The following GBE1 variants were observed in gnomAD, a reference collection of about 807,000 sequenced individuals.
The protein encoded by GBE1 is 1,4-alpha-glucan branching enzyme 1.
Under a neutral mutation model 88.8 loss-of-function variants are expected in GBE1, and 70 were observed. The ratio of observed to expected loss-of-function variants is 0.79; its 90% CI spans 0.65 to 0.96. The LOEUF (loss-of-function observed/expected upper bound fraction) is 0.96, where lower values mean the gene tolerates loss of function less well. Among genes scored for constraint, GBE1 ranks in the 40% least tolerant of loss-of-function variants. The probability of loss-of-function intolerance (pLI) is 0.00; values close to 1 mark genes in which losing one functional copy is unlikely to be tolerated. For missense variants in GBE1, 872 were observed against 871.0 expected, an observed-to-expected ratio of 1.00 and a Z score of -0.01; for synonymous variants, 284 against 300.1, an observed-to-expected ratio of 0.95 and a Z score of 0.56.
At chr3:81,640,963 T>A (rs900524893) in intron 7 of GBE1, among the ~76,000 whole-genome samples, 9 of 152,130 alleles carry the variant, frequency 5.9e-5, no homozygotes, top group Non-Finnish European at 8.8e-5. Context: ...CAATGTTAAG[T>A]TTGTCTCAAT....
intron 7 of GBE1, chr3:81,612,874 G>A: frequency 2.5e-6 from 1 of 401,988 alleles, no homozygotes; most frequent in Non-Finnish European, 4.8e-6. Context: ...GACAATATTT[G>A]GCCAAAACCA....
rs886058901 is a variant in GBE1 at position 81,648,900 on chromosome 3, T to A, written c.647A>T (p.Tyr216Phe). 3.1e-6 allele frequency: 5 copies of A among 1,588,322 alleles called. No homozygotes were observed. Among genetic ancestry groups the A allele is most frequent in the Non-Finnish European group, 4.3e-6 (5 of 1,163,752 alleles). The change falls in exon 5 of 16, where the codon TAT becomes TTT. Residue 216 changes from tyrosine to phenylalanine, a missense_variant. By Grantham distance (22) the Tyr-to-Phe change is conservative (BLOSUM62 3). Coordinates refer to ENST00000429644, the MANE Select transcript of GBE1 (RefSeq NM_000158.4). ...TAGTACATTGCATGTAAAATGTTTATAAGAAGCTACTTTTCCTTCATGGGA... is the reference window on the plus strand; with the variant it reads ...TAGTACATTGCATGTAAAATGTTTAAAAGAAGCTACTTTTCCTTCATGGGA... ...ISSHEGKVASYKHFTCNVLPR... is the reference protein window; with the variant it reads ...ISSHEGKVASFKHFTCNVLPR...
chr3:81,635,735 A>G (rs1444791999), intron 7 of GBE1, among the ~76,000 whole-genome samples: 4 of 152,208 alleles, frequency 2.6e-5, no homozygotes, highest in African/African-American at 9.6e-5. Context: ...TAAATGGATA[A>G]TCACTTGAAT....
chr3:81,660,360 A>AT (rs1705007342), intron 3 of GBE1, among the ~76,000 whole-genome samples: 1 of 152,206 alleles, frequency 6.6e-6, no homozygotes, highest in Admixed American at 6.5e-5. Context: ...ATATCTAAAT[A>AT]TTTAAACATA....
chr3:81,537,019 C>A lies in GBE1; in HGVS notation c.1695G>T (p.Arg565=). 6.3e-7 allele frequency: 1 copy of A among 1,587,854 alleles called. No individual in the cohort carries two copies. The highest frequency in any genetic ancestry group is 8.6e-7 in the Non-Finnish European group (1 of 1,168,394). ...GNNESYHYAR[R]QFHLTDDDLL... is the part of the protein sequence containing the mutation. ...GGTCGTCGTCAGTTAAATGAAACTG[C>A]CGCCTGGCATAATGGTAACTCTCAT... The change falls in exon 13 of 16, where the codon CGG becomes CGT. Residue 565 remains arginine (R), a synonymous_variant. Coordinates refer to ENST00000429644, the MANE Select transcript of GBE1 (RefSeq NM_000158.4).
chr3:81,622,544 A>C (rs1704347465), intron 7 of GBE1, among the ~76,000 whole-genome samples: 1 of 152,066 alleles, frequency 6.6e-6, no homozygotes, highest in Non-Finnish European at 1.5e-5. Flanking sequence ...ATGATTTCTG[A>C]CTCAAATTGC....
intron 2 of GBE1, among the ~76,000 whole-genome samples, chr3:81,696,792 A>G (rs772743507): frequency 1.3e-5 from 2 of 152,210 alleles, no homozygotes; most frequent in Non-Finnish European, 2.9e-5. Flanking sequence ...AAATATTTTT[A>G]AAAAGCAATA....
intron 1 of GBE1, among the ~76,000 whole-genome samples, chr3:81,754,710 G>A (rs1385162888): frequency 1.3e-5 from 2 of 152,010 alleles, no homozygotes; most frequent in Non-Finnish European, 2.9e-5. Flanking sequence ...AAGGTGCCAA[G>A]AACTTAAAAT....
chr3:81,735,787 AG>A (rs1706250015), intron 1 of GBE1, among the ~76,000 whole-genome samples: 1 of 152,148 alleles, frequency 6.6e-6, no homozygotes, highest in African/African-American at 2.4e-5. Flanking sequence ...CCTTCAATCA[AG>A]GGGCTCCAAA....
intron 14 of GBE1, among the ~76,000 whole-genome samples, chr3:81,527,385 T>C (rs1433687059): frequency 6.6e-6 from 1 of 152,062 alleles, no homozygotes; most frequent in Non-Finnish European, 1.5e-5. Context: ...CTAATTAAAC[T>C]AAAGAGCTTC....
At chr3:81,561,164 A>G (rs1294108350) in intron 12 of GBE1, among the ~76,000 whole-genome samples, 2 of 152,060 alleles carry the variant, frequency 1.3e-5, no homozygotes, top group South Asian at 2.1e-4. Context: ...GATAACGTAT[A>G]AAGTGTTACA....
intron 12 of GBE1, among the ~76,000 whole-genome samples, chr3:81,549,030 CTTT>C (rs150990059): frequency 3.5e-5 from 4 of 114,262 alleles, no homozygotes; most frequent in Admixed American, 8.8e-5. Flanking sequence ...TGTGAGTATT[CTTT>C]TTTTTTTTTT....
In GBE1 at chr3:81,581,177, C is replaced by T. The variant is rs561832348; in HGVS notation, c.1434G>A (p.Glu478=). The T allele has an allele frequency of 3.8e-6, 6 of 1,598,716 alleles. No individual in the cohort carries two copies. In the Admixed American group the frequency reaches 5.1e-5, roughly 14 times the overall value. The change falls in exon 11 of 16, where the codon GAG becomes GAA. Residue 478 remains glutamate (E), a synonymous_variant. Coordinates refer to ENST00000429644, the MANE Select transcript of GBE1 (RefSeq NM_000158.4). ...CATATTCATTTACCTGATCATGGCT[C>T]TCTGCATAAGCAATGCACTTTTCAA... ...RYLEKCIAYA[E]SHDQALVGDK...
intron 7 of GBE1, among the ~76,000 whole-genome samples, chr3:81,629,018 G>T (rs1228703742): frequency 8.2e-5 from 8 of 97,978 alleles, no homozygotes; most frequent in Non-Finnish European, 9.4e-5. Context: ...TTATGTTTAA[G>T]TTTTTTTTTT....
intron 9 of GBE1, among the ~76,000 whole-genome samples, chr3:81,586,931 G>A (rs1368896149): frequency 2.6e-5 from 4 of 152,016 alleles, no homozygotes; most frequent in East Asian, 3.9e-4. Flanking sequence ...TGGGATTACA[G>A]ATGTCCACCA....
chr3:81,514,192 GCT>G (rs59204872), intron 14 of GBE1, among the ~76,000 whole-genome samples: 9,055 of 150,800 alleles, frequency 0.06, 437 homozygotes, highest in African/African-American at 0.12. Flanking sequence ...GTGAAAATTG[GCT>G]CTCTCTCTAA....
At chr3:81,633,423 C>T (rs1289580023) in intron 7 of GBE1, among the ~76,000 whole-genome samples, 2 of 152,066 alleles carry the variant, frequency 1.3e-5, no homozygotes, top group Non-Finnish European at 2.9e-5. Context: ...AGTATTTGAG[C>T]CCAGGCCTAT....
At chr3:81,761,334 G>A in intron 1 of GBE1, 41 bp downstream of exon 1, 1 of 1,576,146 alleles carries the variant, frequency 6.3e-7, no homozygotes, top group Non-Finnish European at 8.7e-7. Context: ...CTGGGAGGCG[G>A]GCTGCCTGTC....
chr3:81,581,489 G>T (rs1050694541), intron 10 of GBE1, among the ~76,000 whole-genome samples: 1 of 151,882 alleles, frequency 6.6e-6, no homozygotes, highest in Admixed American at 6.6e-5. Flanking sequence ...GTGTGTTTGT[G>T]TGTGTGTGTG....
Sources: allele counts gnomAD v4.1 joint callset (sites outside exome capture counted in the v4.1 genomes callset), GRCh38; gene constraint gnomAD v4.1.1; transcripts MANE v1.5; gene names NCBI Gene and HGNC (gene_info 2026-07-23, HGNC 2026-07-21).